Variants in CACNA2D3 observed in about 807,000 individuals in gnomAD.
CACNA2D3 encodes the protein voltage-dependent calcium channel subunit alpha-2/delta-3.
A neutral mutation model predicts 160.6 loss-of-function variants in CACNA2D3; 60 were observed. The ratio of observed to expected loss-of-function variants is 0.37; its 90% CI spans 0.30 to 0.46. The LOEUF (loss-of-function observed/expected upper bound fraction) is 0.46, where lower values mean the gene tolerates loss of function less well. CACNA2D3 is among the 20% of genes least tolerant of loss of function. CACNA2D3 has a pLI of 1.00. For missense variants in CACNA2D3, 1,205 were observed against 1,365.0 expected, an observed-to-expected ratio of 0.88 and a Z score of 1.85; for synonymous variants, 558 against 492.9, an observed-to-expected ratio of 1.13 and a Z score of -1.75.
At chr3:54,980,285 A>G (rs2107094186) in intron 29 of CACNA2D3, among the ~76,000 whole-genome samples, 2 of 152,334 alleles carry the variant, frequency 1.3e-5, no homozygotes, top group South Asian at 4.1e-4. Flanking sequence ...TCAGTGTTCT[A>G]AGAAAAACCT....
intron 27 of CACNA2D3, among the ~76,000 whole-genome samples, chr3:54,935,510 A>G (rs1312926054): frequency 6.6e-6 from 1 of 152,196 alleles, no homozygotes; most frequent in African/African-American, 2.4e-5. Context: ...AGCCTGGCCA[A>G]AGCCTCACAG....
chr3:54,428,564 G>T (rs1559478787), intron 4 of CACNA2D3, among the ~76,000 whole-genome samples: 1 of 151,728 alleles, frequency 6.6e-6, no homozygotes, highest in Non-Finnish European at 1.5e-5. Flanking sequence ...AAAAAATCTG[G>T]AACTTTGATA....
At chr3:54,948,937 C>A (rs577708353) in intron 27 of CACNA2D3, among the ~76,000 whole-genome samples, 6 of 152,314 alleles carry the variant, frequency 3.9e-5, no homozygotes, top group East Asian at 1.9e-4. Flanking sequence ...TACATTGTTT[C>A]ATGTAACTAA....
intron 27 of CACNA2D3, among the ~76,000 whole-genome samples, chr3:54,954,515 T>C (rs1368028400): frequency 6.6e-6 from 1 of 152,218 alleles, no homozygotes; most frequent in African/African-American, 2.4e-5. Flanking sequence ...GTGCATATCT[T>C]TCTGTCGGGG....
intron 2 of CACNA2D3, among the ~76,000 whole-genome samples, chr3:54,257,838 A>T (rs910799120): frequency 1.3e-5 from 2 of 152,144 alleles, no homozygotes; most frequent in East Asian, 1.9e-4. Flanking sequence ...AAGCTTGTTG[A>T]TGGAGAAATA....
chr3:54,217,030 C>T (rs775862997), intron 2 of CACNA2D3, among the ~76,000 whole-genome samples: 2 of 152,018 alleles, frequency 1.3e-5, no homozygotes, highest in African/African-American at 4.8e-5. Context: ...TGGTGTGGGG[C>T]GGTGAGAGGC....
chr3:54,364,056 C>G (rs956930570), intron 3 of CACNA2D3, among the ~76,000 whole-genome samples: 1 of 152,110 alleles, frequency 6.6e-6, no homozygotes, highest in Non-Finnish European at 1.5e-5. Context: ...AACATTATGG[C>G]GCCTGAGCCC....
At chr3:54,433,779 T>C (rs1002592710) in intron 4 of CACNA2D3, among the ~76,000 whole-genome samples, 1 of 152,148 alleles carries the variant, frequency 6.6e-6, no homozygotes, top group African/African-American at 2.4e-5. Context: ...GGGTACAGAC[T>C]GCAAGAAAAG....
At chr3:54,627,710 G>T in intron 9 of CACNA2D3, 77 bp from the exon 10 acceptor site, 1 of 857,384 alleles carries the variant, frequency 1.2e-6, no homozygotes, top group Admixed American at 2.0e-5. Context: ...TTGCCATGGC[G>T]TACATCTAAT....
At chr3:54,371,286 C>G (rs1698921984) in intron 3 of CACNA2D3, among the ~76,000 whole-genome samples, 1 of 152,032 alleles carries the variant, frequency 6.6e-6, no homozygotes, top group Admixed American at 6.6e-5. Context: ...TTTTGAATGA[C>G]TTTCCAAAGT....
rs148816260 is a variant in CACNA2D3, at chr3:54,898,835, G to T, written c.2369-953G>T. 7.9e-5 allele frequency among the ~76,000 whole-genome samples: 12 copies of T among 152,150 alleles called. No homozygotes were observed. In the East Asian group the frequency reaches 2.3e-3, roughly 29 times the overall value. The stretch of plus-strand genomic sequence containing the variant: ...AGTTACAGATGACGTAACATCTTAG[G>T]ACATTTCATAACCCCCTTAGAGTCC... On this transcript the variant is annotated intron_variant, in intron 26 of 37. Coordinates refer to ENST00000474759, the MANE Select transcript of CACNA2D3 (RefSeq NM_018398.3).
intron 14 of CACNA2D3, among the ~76,000 whole-genome samples, chr3:54,829,316 C>G (rs1575499646): frequency 6.6e-6 from 1 of 152,106 alleles, no homozygotes; most frequent in South Asian, 2.1e-4. Flanking sequence ...TAGATTCTTT[C>G]CCTGACATGT....
chr3:54,658,455 G>A (rs1699911899), intron 11 of CACNA2D3, among the ~76,000 whole-genome samples: 1 of 152,126 alleles, frequency 6.6e-6, no homozygotes, highest in Non-Finnish European at 1.5e-5. Context: ...CCATTTACCT[G>A]TTGACCATTT....
At chr3:54,887,891 C>G in intron 23 of CACNA2D3, 68 bp from the exon 24 acceptor site, 1 of 1,150,972 alleles carries the variant, frequency 8.7e-7, no homozygotes, top group Non-Finnish European at 1.3e-6. Flanking sequence ...CACAATGAGC[C>G]CATGAGTGCC....
chr3:54,324,314 C>T (rs1306366984), intron 3 of CACNA2D3, among the ~76,000 whole-genome samples: 1 of 152,160 alleles, frequency 6.6e-6, no homozygotes, highest in Non-Finnish European at 1.5e-5. Context: ...ATGCAATTAT[C>T]CTATCACAGA....
intron 2 of CACNA2D3, among the ~76,000 whole-genome samples, chr3:54,186,072 G>T (rs1576986132): frequency 6.6e-6 from 1 of 152,094 alleles, no homozygotes; most frequent in Non-Finnish European, 1.5e-5. Flanking sequence ...ACCAGTCCTG[G>T]CACCAACTTT....
intron 3 of CACNA2D3, among the ~76,000 whole-genome samples, chr3:54,373,193 G>C (rs1292304731): frequency 6.6e-6 from 1 of 152,096 alleles, no homozygotes; most frequent in Admixed American, 6.5e-5. Flanking sequence ...TCGAAACCAG[G>C]GACTTGTGTA....
At chr3:54,227,688 G>C (rs1701700281) in intron 2 of CACNA2D3, among the ~76,000 whole-genome samples, 1 of 152,108 alleles carries the variant, frequency 6.6e-6, no homozygotes, top group African/African-American at 2.4e-5. Flanking sequence ...CCGAGTAGCT[G>C]GGATTACAGG....
At chr3:54,267,820 T>G (rs1221176519) in intron 2 of CACNA2D3, among the ~76,000 whole-genome samples, 1 of 152,112 alleles carries the variant, frequency 6.6e-6, no homozygotes, top group Non-Finnish European at 1.5e-5. Context: ...CACTGCTGAG[T>G]TATTTTTTCC....
Sources: gnomAD v4.1 joint callset for allele counts (sites outside exome capture counted in the v4.1 genomes callset) on GRCh38, gnomAD v4.1.1 for gene constraint, MANE v1.5 for transcripts, NCBI Gene and HGNC (gene_info 2026-07-23, HGNC 2026-07-21) for gene names.